Variants in C1QTNF7 observed in about 807,000 individuals in gnomAD.
The protein encoded by C1QTNF7 is complement C1q tumor necrosis factor-related protein 7.
C1QTNF7 carries 15 observed loss-of-function variants against 19.6 expected under a neutral mutation model. That is an observed-to-expected ratio of 0.76 (90% CI 0.51 to 1.18). The LOEUF (loss-of-function observed/expected upper bound fraction) is 1.18, where lower values mean the gene tolerates loss of function less well. Among genes scored for constraint, C1QTNF7 ranks in the 50% most tolerant of loss-of-function variants. The pLI, the probability that C1QTNF7 is intolerant of heterozygous loss-of-function variation, is 0.00. For missense variants in C1QTNF7, 324 were observed against 359.7 expected (o/e 0.90, Z 0.80); for synonymous variants, 142 against 137.5 (o/e 1.03, Z -0.23).
Position 15,422,081 on chromosome 4 carries a change from A to C in C1QTNF7, c.14-13655A>C, listed in dbSNP as rs75144730. Among the ~76,000 whole-genome samples the C allele has an allele frequency of 2.8e-3, 421 of 152,240 alleles. 1 individual carries two copies. The highest frequency in any genetic ancestry group is 9.6e-3 in the African/African-American group (400 of 41,554). On this transcript the variant is annotated intron_variant, in intron 1 of 2. Transcript: ENST00000295297. ...AGGGAACATTTTGGAGGGAATGGAA[A>C]TGCTCTGTATCTCTTTTTTAGTGGT...
chr4:15,374,355 C>A (rs1480147845), intron 1 of C1QTNF7, among the ~76,000 whole-genome samples: 1 of 152,170 alleles, frequency 6.6e-6, no homozygotes, highest in Admixed American at 6.5e-5. Context: ...TCTCTCCCAG[C>A]ACAACAATGA....
chr4:15,349,026 T>C (rs1290365595), intron 1 of C1QTNF7, among the ~76,000 whole-genome samples: 6 of 152,214 alleles, frequency 3.9e-5, no homozygotes, highest in African/African-American at 1.4e-4. Context: ...ATTCCTATTT[T>C]ACACATGAGA....
At chr4:15,420,294 T>C (rs915455204) in intron 1 of C1QTNF7, among the ~76,000 whole-genome samples, 2 of 152,204 alleles carry the variant, frequency 1.3e-5, no homozygotes, top group African/African-American at 4.8e-5. Flanking sequence ...TCAGACACCT[T>C]ACAGTCAACC....
At chr4:15,361,858 G>T (rs1717355559) in intron 1 of C1QTNF7, among the ~76,000 whole-genome samples, 1 of 152,098 alleles carries the variant, frequency 6.6e-6, no homozygotes, top group South Asian at 2.1e-4. Flanking sequence ...ATCTTTGGGA[G>T]GCTCTTCAGC....
intron 1 of C1QTNF7, chr4:15,362,583 T>TA (rs1353328830): frequency 4.6e-5 from 7 of 152,208 alleles, no homozygotes; most frequent in Non-Finnish European, 1.0e-4. Flanking sequence ...AATAAGTGAT[T>TA]AAAAAATTAT....
Position 15,442,464 on chromosome 4 carries a change from A to AACCCTGCC in C1QTNF7, c.538_545dup (p.Gly183LeufsTer39). On this transcript the variant is annotated frameshift_variant, in exon 3 of 3. Transcript: ENST00000444304. LOFTEE classifies it high-confidence loss of function. ...CCTCTTCAACGAGGGAGAGCACTAC[A>AACCCTGCC]ACCCTGCCACAGGGAAGTTCATCTG... is the stretch of plus-strand genomic sequence containing the variant. 2 of 1,614,192 alleles carry AACCCTGCC rather than the reference A, an allele frequency of 1.2e-6. No individual in the cohort carries two copies. The highest frequency in any genetic ancestry group is 1.7e-6 in the Non-Finnish European group (2 of 1,180,016).
At chr4:15,345,975 A>T (rs1263375734) in intron 1 of C1QTNF7, among the ~76,000 whole-genome samples, 1 of 152,158 alleles carries the variant, frequency 6.6e-6, no homozygotes, top group Non-Finnish European at 1.5e-5. Context: ...CACCCTTTCC[A>T]CACTGTCACA....
chr4:15,394,487 C>T (rs4698380), intron 1 of C1QTNF7, among the ~76,000 whole-genome samples: 16,307 of 152,212 alleles, frequency 0.11, 1,414 homozygotes, highest in African/African-American at 0.2. Context: ...ATTTCAAAAA[C>T]AAATTCATCC....
At chr4:15,366,624 T>G (rs868017028) in intron 1 of C1QTNF7, among the ~76,000 whole-genome samples, 1 of 152,274 alleles carries the variant, frequency 6.6e-6, no homozygotes, top group African/African-American at 2.4e-5. Flanking sequence ...CTTCCAATCT[T>G]TCTCCCTTCT....
chr4:15,411,236 C>A (rs1719392994), intron 1 of C1QTNF7, among the ~76,000 whole-genome samples: 1 of 152,036 alleles, frequency 6.6e-6, no homozygotes, highest in African/African-American at 2.4e-5. Flanking sequence ...CACACTGAGG[C>A]ATAAAGAGAA....
At chr4:15,416,805 AC>A (rs1719623411) in intron 1 of C1QTNF7, among the ~76,000 whole-genome samples, 4 of 152,228 alleles carry the variant, frequency 2.6e-5, no homozygotes, top group Non-Finnish European at 1.5e-5. Context: ...TGGCCGCAGC[AC>A]AGCAAATTGA....
chr4:15,439,008 A>G (rs1030953085), intron 2 of C1QTNF7, among the ~76,000 whole-genome samples: 1 of 152,180 alleles, frequency 6.6e-6, no homozygotes, highest in African/African-American at 2.4e-5. Flanking sequence ...ATCTAGGTAG[A>G]ACCATTTCAT....
chr4:15,389,944 A>C (rs1159033592), intron 1 of C1QTNF7, among the ~76,000 whole-genome samples: 1 of 152,164 alleles, frequency 6.6e-6, no homozygotes, highest in Non-Finnish European at 1.5e-5. Context: ...CCCACAAATC[A>C]GGGTTATTAG....
At chr4:15,430,517 A>C (rs1712255493) in intron 1 of C1QTNF7, among the ~76,000 whole-genome samples, 1 of 152,240 alleles carries the variant, frequency 6.6e-6, no homozygotes, top group Non-Finnish European at 1.5e-5. Context: ...TTGTATGTGG[A>C]GTGACAGCTA....
chr4:15,442,367 C>G lies in C1QTNF7; in HGVS notation c.438C>G (p.Leu146=). ...TTTGCAGATGTGGAAGCATCGTGCT[C>G]AAATCCGCCTTTTCTGTTGGCATCA... ...PGVCRCGSIV[L]KSAFSVGITT... Residue 146 remains leucine (L), a synonymous_variant, in exon 3 of 3, where the codon CTC becomes CTG. Coordinates refer to ENST00000444304, the MANE Select transcript of C1QTNF7 (RefSeq NM_031911.5). 1 of 1,614,124 alleles carries G rather than the reference C, an allele frequency of 6.2e-7. No individual in the cohort carries two copies. Among genetic ancestry groups the G allele is most frequent in the Non-Finnish European group, 8.5e-7 (1 of 1,180,018 alleles).
Position 15,376,490 on chromosome 4 carries a change from G to T in C1QTNF7, c.13+36283G>T, listed in dbSNP as rs149558286. 1.0e-3 allele frequency among the ~76,000 whole-genome samples: 156 copies of T among 152,306 alleles called. 2 individuals carry two copies. In the East Asian group the frequency reaches 0.022, roughly 22 times the overall value. On this transcript the variant is annotated intron_variant, in intron 1 of 2. Transcript: ENST00000295297. ...CTGGGTTGGGTTACTTAACTCCTCTGTGCCTCAGTTCCCTTACAATAAAAT... is the reference window on the plus strand; with the variant it reads ...CTGGGTTGGGTTACTTAACTCCTCTTTGCCTCAGTTCCCTTACAATAAAAT...
intron 1 of C1QTNF7, among the ~76,000 whole-genome samples, chr4:15,347,100 T>C (rs1412106032): frequency 6.6e-6 from 1 of 152,232 alleles, no homozygotes; most frequent in African/African-American, 2.4e-5. Flanking sequence ...TCTCATTTCT[T>C]GAAGACAATT....
chr4:15,397,248 G>A (rs1265492379), intron 1 of C1QTNF7, among the ~76,000 whole-genome samples: 1 of 152,182 alleles, frequency 6.6e-6, no homozygotes, highest in East Asian at 1.9e-4. Flanking sequence ...ATATCAGATG[G>A]AAACTTCCCA....
chr4:15,418,435 C>A (rs909491457), intron 1 of C1QTNF7, among the ~76,000 whole-genome samples: 1 of 152,120 alleles, frequency 6.6e-6, no homozygotes, highest in African/African-American at 2.4e-5. Flanking sequence ...ACCCATTGTC[C>A]TTTCAGTTAC....
Sources: allele counts gnomAD v4.1 joint callset (sites outside exome capture counted in the v4.1 genomes callset), GRCh38; gene constraint gnomAD v4.1.1; transcripts MANE v1.5; gene names NCBI Gene and HGNC (gene_info 2026-07-23, HGNC 2026-07-21).